The following TSPAN18 variants were observed in gnomAD, a reference collection of about 807,000 sequenced individuals.
TSPAN18 encodes tetraspanin-18.
Under a neutral mutation model 27.3 loss-of-function variants are expected in TSPAN18, and 14 were observed. The observed-to-expected ratio is 0.51, with a 90% CI of 0.34 to 0.80. The LOEUF (loss-of-function observed/expected upper bound fraction) is 0.80, where lower values mean the gene tolerates loss of function less well. TSPAN18 is among the 30% of genes least tolerant of loss of function. The pLI, the probability that TSPAN18 is intolerant of heterozygous loss-of-function variation, is 0.01. For missense variants in TSPAN18, 268 were observed against 323.9 expected (o/e 0.83, Z 1.32); for synonymous variants, 143 against 136.5 (o/e 1.05, Z -0.33).
chr11:44,772,957 C>CGAT (rs1286367099), intron 2 of TSPAN18, among the ~76,000 whole-genome samples: 1 of 151,988 alleles, frequency 6.6e-6, no homozygotes. Flanking sequence ...GCACTGAGCC[C>CGAT]GATTTTGAGT....
intron 8 of TSPAN18, among the ~76,000 whole-genome samples, chr11:44,922,184 C>T (rs982876899): frequency 6.7e-6 from 1 of 148,842 alleles, no homozygotes; most frequent in African/African-American, 2.5e-5. Context: ...TGGCACAATC[C>T]TGGCTCACTG....
chr11:44,915,503 T>C (rs1403769125), intron 5 of TSPAN18, among the ~76,000 whole-genome samples: 1 of 152,176 alleles, frequency 6.6e-6, no homozygotes, highest in Non-Finnish European at 1.5e-5. Context: ...CTCTGCTCCC[T>C]GACCTCAGCT....
intron 2 of TSPAN18, among the ~76,000 whole-genome samples, chr11:44,811,275 T>C (rs1350074782): frequency 6.6e-6 from 1 of 151,924 alleles, no homozygotes; most frequent in Non-Finnish European, 1.5e-5. Context: ...CATAATCTGA[T>C]GTTTTGTTTT....
At chr11:44,909,623 G>A (rs771619851) in intron 4 of TSPAN18, 82 bp from the exon 5 acceptor site, 44 of 1,453,144 alleles carry the variant, frequency 3.0e-5, no homozygotes, top group Non-Finnish European at 3.8e-5. Flanking sequence ...CCTGGGGCTG[G>A]CTCAGGGGAG....
chr11:44,805,583 C>T (rs1195143777), intron 2 of TSPAN18, among the ~76,000 whole-genome samples: 16 of 148,678 alleles, frequency 1.1e-4, no homozygotes, highest in Admixed American at 9.9e-4. Flanking sequence ...CTCAGTCACA[C>T]GGTCTCCCTG....
At chr11:44,898,710 A>T (rs1314614156) in intron 3 of TSPAN18, among the ~76,000 whole-genome samples, 1 of 152,080 alleles carries the variant, frequency 6.6e-6, no homozygotes, top group Non-Finnish European at 1.5e-5. Context: ...TTTATAACAG[A>T]CCCACTCTCA....
chr11:44,762,361 G>A (rs1855473161), intron 1 of TSPAN18, among the ~76,000 whole-genome samples: 1 of 152,208 alleles, frequency 6.6e-6, no homozygotes, highest in African/African-American at 2.4e-5. Context: ...TGCAGAATGT[G>A]TGTGGTAAGA....
At chr11:44,808,011 G>A (rs764180744) in intron 2 of TSPAN18, among the ~76,000 whole-genome samples, 4 of 152,154 alleles carry the variant, frequency 2.6e-5, no homozygotes, top group African/African-American at 4.8e-5. Flanking sequence ...CCTGGGGTGC[G>A]GTCTCAGGAG....
intron 2 of TSPAN18, among the ~76,000 whole-genome samples, chr11:44,780,939 T>G (rs1280900866): frequency 6.6e-6 from 1 of 152,264 alleles, no homozygotes; most frequent in Non-Finnish European, 1.5e-5. Flanking sequence ...CTGGTGAGAC[T>G]TTGAGCCTAT....
At chr11:44,892,626 G>A (rs1010846278) in intron 3 of TSPAN18, among the ~76,000 whole-genome samples, 9 of 152,324 alleles carry the variant, frequency 5.9e-5, no homozygotes, top group Non-Finnish European at 1.2e-4. Flanking sequence ...AGGGACCTCC[G>A]ACCTGTGTCT....
In TSPAN18 at chr11:44,877,733, G is replaced by A. The variant is rs77178453; in HGVS notation, c.-11+17264G>A. On this transcript the variant is annotated intron_variant, in intron 3 of 9. Coordinates refer to ENST00000520358, the MANE Select transcript of TSPAN18 (RefSeq NM_130783.5). ...CACAGCCCCTGTGAAGCCTGTTAACGGTAATTACGAAGTTAGGAGAAATTC... is the reference window on the plus strand; with the variant it reads ...CACAGCCCCTGTGAAGCCTGTTAACAGTAATTACGAAGTTAGGAGAAATTC... 6.9e-3 allele frequency among the ~76,000 whole-genome samples: 1,046 copies of A among 152,266 alleles called. 9 individuals carry two copies. The highest frequency in any genetic ancestry group is 0.021 in the African/African-American group (858 of 41,552).
chr11:44,850,692 T>A (rs969939263), intron 2 of TSPAN18, among the ~76,000 whole-genome samples: 2 of 152,104 alleles, frequency 1.3e-5, no homozygotes, highest in African/African-American at 2.4e-5. Context: ...GAGGTTCAGG[T>A]TCACATAAGG....
chr11:44,826,098 G>T (rs1026193281), intron 2 of TSPAN18, among the ~76,000 whole-genome samples: 2 of 152,230 alleles, frequency 1.3e-5, no homozygotes, highest in Non-Finnish European at 2.9e-5. Context: ...GGGGGCCATC[G>T]CAGAAAGGAA....
intron 3 of TSPAN18, among the ~76,000 whole-genome samples, chr11:44,896,799 C>T (rs1380389746): frequency 6.6e-6 from 1 of 152,112 alleles, no homozygotes; most frequent in Admixed American, 6.6e-5. Flanking sequence ...CCACCACCAC[C>T]ACTACCACCA....
At chr11:44,868,326 A>G (rs1160757149) in intron 3 of TSPAN18, among the ~76,000 whole-genome samples, 1 of 152,110 alleles carries the variant, frequency 6.6e-6, no homozygotes, top group Non-Finnish European at 1.5e-5. Context: ...ACAAAATACC[A>G]TCTGCACATC....
chr11:44,928,553 C>T (rs564783090), intron 9 of TSPAN18, among the ~76,000 whole-genome samples: 1 of 152,234 alleles, frequency 6.6e-6, no homozygotes, highest in East Asian at 1.9e-4. Flanking sequence ...TTTGGGAGGC[C>T]GAGGCAGGCA....
intron 4 of TSPAN18, among the ~76,000 whole-genome samples, chr11:44,907,704 AT>A: frequency 6.6e-6 from 1 of 151,888 alleles, no homozygotes; most frequent in African/African-American, 2.4e-5. Context: ...GAATCCCCAA[AT>A]CTCCAACAGC....
chr11:44,787,154 G>A (rs751183710), intron 2 of TSPAN18, among the ~76,000 whole-genome samples: 5 of 152,160 alleles, frequency 3.3e-5, no homozygotes, highest in Non-Finnish European at 2.9e-5. Flanking sequence ...TTCAACTCTT[G>A]AAAAACAGTG....
At chr11:44,751,159 T>C (rs190110085) in intron 1 of TSPAN18, among the ~76,000 whole-genome samples, 5 of 152,294 alleles carry the variant, frequency 3.3e-5, no homozygotes, top group African/African-American at 7.2e-5. Flanking sequence ...AGAGAAGACC[T>C]GGTGCCTGCC....
Sources: gnomAD v4.1 joint callset for allele counts (sites outside exome capture counted in the v4.1 genomes callset) on GRCh38, gnomAD v4.1.1 for gene constraint, MANE v1.5 for transcripts, NCBI Gene and HGNC (gene_info 2026-07-23, HGNC 2026-07-21) for gene names.